The following CACNA1S variants were observed in gnomAD, a reference collection of about 807,000 sequenced individuals.
The protein encoded by CACNA1S is calcium voltage-gated channel subunit alpha1 S.
Under a neutral mutation model 207.4 loss-of-function variants are expected in CACNA1S, and 126 were observed. That is an observed-to-expected ratio of 0.61 (90% CI 0.53 to 0.70). CACNA1S has a LOEUF of 0.70. Among genes scored for constraint, CACNA1S ranks in the 30% least tolerant of loss-of-function variants. The pLI, the probability that CACNA1S is intolerant of heterozygous loss-of-function variation, is 0.00. For synonymous variants in CACNA1S, 960 were observed against 932.7 expected (o/e 1.03, Z -0.53); for missense variants, 2,349 against 2,422.8 (o/e 0.97, Z 0.64).
At chr1:201,067,092 C>T in intron 19 of CACNA1S, 99 bp from the exon 20 acceptor site, 1 of 775,990 alleles carries the variant, frequency 1.3e-6, no homozygotes, top group Non-Finnish European at 2.3e-6. Flanking sequence ...AGAGCACTTA[C>T]TGAGGCAATA....
intron 2 of CACNA1S, among the ~76,000 whole-genome samples, chr1:201,094,823 C>A (rs1572064857): frequency 6.6e-6 from 1 of 152,102 alleles, no homozygotes. Flanking sequence ...CTGCAGAAGG[C>A]CCGGCCGACA....
At chr1:201,063,793 A>T (rs1661149315) in intron 22 of CACNA1S, among the ~76,000 whole-genome samples, 1 of 152,184 alleles carries the variant, frequency 6.6e-6, no homozygotes, top group South Asian at 2.1e-4. Flanking sequence ...GCTGGAGCAG[A>T]AGGTGAAGGT....
chr1:201,097,656 G>A (rs527271646), intron 2 of CACNA1S, among the ~76,000 whole-genome samples: 1 of 152,156 alleles, frequency 6.6e-6, no homozygotes, highest in African/African-American at 2.4e-5. Context: ...TTCTAACTGT[G>A]GGGATTCTCC....
At position 201,071,908 on chromosome 1, in the gene CACNA1S, T is replaced by C. The variant is rs527459085; in HGVS notation, c.2227+847A>G. Among the ~76,000 whole-genome samples the C allele has an allele frequency of 7.9e-5, 12 of 152,368 alleles. No homozygotes were observed. In the South Asian group the frequency reaches 2.5e-3, roughly 32 times the overall value. On this transcript the variant is annotated intron_variant, in intron 16 of 43. Coordinates refer to ENST00000362061, the MANE Select transcript of CACNA1S (RefSeq NM_000069.3). ...CATTCAATTTATTGAGTGCCTCCTCTGAGCCAAACACTGTGCTGTGTGGAA... is the reference window on the plus strand; with the variant it reads ...CATTCAATTTATTGAGTGCCTCCTCCGAGCCAAACACTGTGCTGTGTGGAA...
rs116587733 is a variant in CACNA1S, at chr1:201,075,135, T to A, written c.1948+360A>T. ...ACTGATCATCCCGGCCACAGGGTCC[T>A]GGTGGCTCCCTGCCTGCCTCTGAAC... is the stretch of plus-strand genomic sequence containing the variant. On this transcript the variant is annotated intron_variant, in intron 13 of 43. Transcript: ENST00000362061. 8.6e-3 allele frequency among the ~76,000 whole-genome samples: 1,308 copies of A among 152,300 alleles called. 21 individuals carry two copies. Among genetic ancestry groups the A allele is most frequent in the African/African-American group, 0.03 (1,240 of 41,564 alleles).
In CACNA1S at chr1:201,053,075, CCTT is replaced by C. The variant is rs1456110428; in HGVS notation, c.3861+131_3861+133del. 35 of 1,039,618 alleles carry C rather than the reference CCTT, an allele frequency of 3.4e-5. No individual in the cohort carries two copies. The highest frequency in any genetic ancestry group is 4.8e-5 in the Non-Finnish European group (32 of 661,458). The allele number at this position is 1,039,618 out of a possible 1,614,324, so 64.4% of individuals were successfully genotyped here. On this transcript the variant is annotated intron_variant, in intron 31 of 43. Coordinates refer to ENST00000362061, the MANE Select transcript of CACNA1S (RefSeq NM_000069.3). This position sits in a 1 kb window ranked among gnomAD's most constrained non-coding sequence, Gnocchi z 5.1. ...ATCCACGATCAGGGAGGTTGTCCCT[CCTT>C]CTTTCTCACGAGCAAGGCAGGGAGG...
At chr1:201,079,528 T>A (rs1661765518) in intron 10 of CACNA1S, among the ~76,000 whole-genome samples, 1 of 152,018 alleles carries the variant, frequency 6.6e-6, no homozygotes, top group African/African-American at 2.4e-5. Flanking sequence ...TCAGCAAGTA[T>A]AGGGTCTTCC....
In CACNA1S at chr1:201,084,931, G is replaced by C. The variant is rs758622762; in HGVS notation, c.1232+19C>G. 6.3e-7 allele frequency: 1 copy of C among 1,579,376 alleles called. No individual in the cohort carries two copies. Among genetic ancestry groups the C allele is most frequent in the Admixed American group, 1.7e-5 (1 of 59,990 alleles). Reference sequence around the variant, plus strand: ...GAGCTGGGGGTTGGGGGTTCCTGGGGCAGTGGGCAGATACTCACATGAACT... The same window carrying C: ...GAGCTGGGGGTTGGGGGTTCCTGGGCCAGTGGGCAGATACTCACATGAACT... On this transcript the variant is annotated intron_variant, in intron 9 of 43. Coordinates refer to ENST00000362061, the MANE Select transcript of CACNA1S (RefSeq NM_000069.3).
rs797045031 is a variant in CACNA1S, at chr1:201,058,493, T to C, written c.3526-2A>G. On this transcript the variant is annotated splice_acceptor_variant, in intron 27 of 43. Transcript: ENST00000362061. LOFTEE classifies it high-confidence loss of function. ...ATTCCAGGGGTCTCCAAAGTAGCCC[T>C]GGGAAGGAAAAGGATGGGAAAGCGA... 1 of 1,613,146 alleles carries C rather than the reference T, an allele frequency of 6.2e-7. No individual in the cohort carries two copies.
chr1:201,046,563 G>A (rs1339177660), intron 38 of CACNA1S, among the ~76,000 whole-genome samples: 1 of 150,376 alleles, frequency 6.6e-6, no homozygotes, highest in Non-Finnish European at 1.5e-5. Context: ...TTTCTTTTGA[G>A]ACACAGTCTC....
At chr1:201,082,139 C>T (rs1441154736) in intron 10 of CACNA1S, among the ~76,000 whole-genome samples, 2 of 151,332 alleles carry the variant, frequency 1.3e-5, no homozygotes, top group African/African-American at 4.9e-5. Context: ...AGCGATTCTC[C>T]TGCCTCAGCC....
At position 201,112,165 on chromosome 1, in the gene CACNA1S, A is replaced by AC. The variant is rs751850647; in HGVS notation, c.152+22dup. On this transcript the variant is annotated intron_variant, in intron 1 of 43. Transcript: ENST00000362061. ...TCCCTCATGACGCACACCCCCCCCC[A>AC]CGGCCCGGGCCCTGAAGGATACTTC... is the stretch of plus-strand genomic sequence containing the variant. The AC allele has an allele frequency of 1.4e-4, 221 of 1,560,736 alleles. 8 individuals are homozygous for AC. In the South Asian group the frequency reaches 2.1e-3, roughly 15 times the overall value.
chr1:201,066,795 G>A lies in CACNA1S; in HGVS notation c.2657+92C>T, dbSNP rs1304179268. On this transcript the variant is annotated intron_variant, in intron 20 of 43. Coordinates refer to ENST00000362061, the MANE Select transcript of CACNA1S (RefSeq NM_000069.3). The surrounding 1 kb of genome is among the most constrained non-coding windows in gnomAD (Gnocchi z 4.3). ...CGAGAGACCCTCCTCTTGTGGCAGG[G>A]GCCCACCAACATGGGTGGGACTCCC... is the stretch of plus-strand genomic sequence containing the variant. 2 of 926,854 alleles carry A rather than the reference G, an allele frequency of 2.2e-6. No individual in the cohort carries two copies. The highest frequency in any genetic ancestry group is 2.8e-5 in the South Asian group (2 of 72,544). The allele number at this position is 926,854 out of a possible 1,614,324, so 57.4% of individuals were successfully genotyped here. A position where few individuals can be genotyped will look rare whatever the true frequency, so the allele number is the denominator to read the frequency against.
chr1:201,053,499 CCTT>C lies in CACNA1S; in HGVS notation c.3752_3754del (p.Glu1251del), dbSNP rs1283443722. 4 of 1,614,176 alleles carry C rather than the reference CCTT, an allele frequency of 2.5e-6. No homozygotes were observed. Among genetic ancestry groups the C allele is most frequent in the Admixed American group, 3.3e-5 (2 of 60,024 alleles). On this transcript the variant is annotated inframe_deletion, in exon 30 of 44. Transcript: ENST00000362061. The surrounding 1 kb of genome is among the most constrained non-coding windows in gnomAD (Gnocchi z 5.1). ...GAACGTCCACAGGAGGGTTCGCACT[CCTT>C]CTGCCCGGCTCAGCAGCTTGATCAG...
rs769271960 is a variant in CACNA1S at position 201,041,573 on chromosome 1, C to T, written c.5065G>A (p.Glu1689Lys). 3.1e-6 allele frequency: 5 copies of T among 1,613,854 alleles called. No homozygotes were observed. In the Admixed American group the frequency reaches 5.0e-5, roughly 16 times the overall value. ...GGCGTCTCTGTCTCTTCTGGGAACT[C>T]CCTTTCATAGTGGACACTGAAATGG... ...HVFSSVHYER[E>K]FPEETETPAT... Residue 1689 changes from glutamate to lysine, a missense_variant, in exon 41 of 44, where the codon GAG (glutamate) becomes AAG (lysine). Transcript: ENST00000362061.
chr1:201,039,756 C>T lies in CACNA1S; in HGVS notation c.*75G>A. On this transcript the variant is annotated 3_prime_UTR_variant, in exon 44 of 44. Coordinates refer to ENST00000362061, the MANE Select transcript of CACNA1S (RefSeq NM_000069.3). Reference sequence around the variant, plus strand: ...AGGGAGGCTGCTGCGGTGGGCTAGCCCTTCTCCACCCCAGCAACTTCCCCA... The same window carrying T: ...AGGGAGGCTGCTGCGGTGGGCTAGCTCTTCTCCACCCCAGCAACTTCCCCA... 3 of 1,580,392 alleles carry T rather than the reference C, an allele frequency of 1.9e-6. No individual in the cohort carries two copies. Among genetic ancestry groups the T allele is most frequent in the Non-Finnish European group, 2.6e-6 (3 of 1,163,122 alleles).
At chr1:201,062,955 C>T (rs1661116732) in intron 22 of CACNA1S, among the ~76,000 whole-genome samples, 1 of 152,186 alleles carries the variant, frequency 6.6e-6, no homozygotes, top group South Asian at 2.1e-4. Flanking sequence ...GGAGGGGCTG[C>T]CCACCTCCCA....
chr1:201,040,802 A>G, intron 41 of CACNA1S, 89 bp from the exon 42 acceptor site: 2 of 976,978 alleles, frequency 2.0e-6, no homozygotes, highest in Non-Finnish European at 3.2e-6. Context: ...CTGGCTAGCC[A>G]CACTCTGTGA....
intron 40 of CACNA1S, chr1:201,041,909 A>G (rs1205508416): frequency 4.7e-6 from 2 of 426,486 alleles, no homozygotes; most frequent in Admixed American, 3.5e-5. Context: ...TTGGCCACAC[A>G]TAGGATCACC....
Sources: allele counts gnomAD v4.1 joint callset (sites outside exome capture counted in the v4.1 genomes callset), GRCh38; gene constraint gnomAD v4.1.1; non-coding constraint Gnocchi (gnomAD v3.1); transcripts MANE v1.5; gene names NCBI Gene and HGNC (gene_info 2026-07-23, HGNC 2026-07-21).